Variants in HOMER1 observed in about 807,000 individuals in gnomAD.
HOMER1 encodes homer protein homolog 1.
Under a neutral mutation model 48.9 loss-of-function variants are expected in HOMER1, and 3 were observed. That is an observed-to-expected ratio of 0.06 (90% CI 0.03 to 0.16). The LOEUF is 0.16. Among genes scored for constraint, HOMER1 ranks in the 10% least tolerant of loss-of-function variants. The probability of loss-of-function intolerance (pLI) is 1.00; values close to 1 mark genes in which losing one functional copy is unlikely to be tolerated. For missense variants in HOMER1, 247 were observed against 411.4 expected (o/e 0.60, Z 3.46); for synonymous variants, 134 against 146.4 (o/e 0.92, Z 0.61).
In HOMER1 at chr5:79,438,827, AAATT is replaced by A. The variant is rs147280285; in HGVS notation, c.527+179_527+182del. Among the ~76,000 whole-genome samples, 1,205 of 152,056 alleles carry A rather than the reference AAATT, an allele frequency of 7.9e-3. 12 individuals are homozygous for A. Among genetic ancestry groups the A allele is most frequent in the African/African-American group, 0.028 (1,155 of 41,460 alleles). ...GTCCATCTATGCAACTATAAACTAT[AAATT>A]AATAAAAAGTTTGTGTATTTCATTT... is the stretch of plus-strand genomic sequence containing the variant. On this transcript the variant is annotated intron_variant, in intron 5 of 8. Coordinates refer to ENST00000334082, the MANE Select transcript of HOMER1 (RefSeq NM_004272.5).
rs867430270 is a variant in HOMER1, at chr5:79,467,411, A to C, written c.6-10393T>G. ...CATCTCAAAAAAAAAAAAAAAAAAA[A>C]AACTAATGAAATGCTATAAAGGCCA... is the stretch of plus-strand genomic sequence containing the variant. On this transcript the variant is annotated intron_variant, in intron 1 of 8. Coordinates refer to ENST00000334082, the MANE Select transcript of HOMER1 (RefSeq NM_004272.5). Among the ~76,000 whole-genome samples, 26 of 151,458 alleles carry C rather than the reference A, an allele frequency of 1.7e-4. 1 individual carries two copies. The highest frequency in any genetic ancestry group is 5.3e-4 in the Admixed American group (8 of 15,226).
intron 4 of HOMER1, among the ~76,000 whole-genome samples, chr5:79,440,120 T>C (rs1250298495): frequency 6.6e-6 from 1 of 152,124 alleles, no homozygotes; most frequent in Non-Finnish European, 1.5e-5. Context: ...TTAGGAATGA[T>C]CATAATTTGT....
intron 5 of HOMER1, among the ~76,000 whole-genome samples, chr5:79,432,671 G>A (rs1750457218): frequency 6.6e-6 from 1 of 152,094 alleles, no homozygotes; most frequent in Non-Finnish European, 1.5e-5. Flanking sequence ...ACATGAAAAT[G>A]TAAATGTATC....
intron 8 of HOMER1, among the ~76,000 whole-genome samples, chr5:79,378,836 C>T (rs1042939246): frequency 4.0e-5 from 6 of 151,660 alleles, no homozygotes; most frequent in Admixed American, 3.9e-4. Context: ...CACAAAATTC[C>T]CTCAGCTAAT....
intron 8 of HOMER1, among the ~76,000 whole-genome samples, chr5:79,378,286 T>C (rs1038432478): frequency 2.0e-5 from 3 of 149,950 alleles, no homozygotes; most frequent in Non-Finnish European, 4.4e-5. Context: ...CTCTGGGTTA[T>C]CTTTGTCAGT....
chr5:79,418,213 T>C (rs754907626), intron 5 of HOMER1, among the ~76,000 whole-genome samples: 1 of 152,232 alleles, frequency 6.6e-6, no homozygotes, highest in African/African-American at 2.4e-5. Context: ...AAAAGTATTA[T>C]GCAAATGAAT....
In HOMER1 at chr5:79,376,977, T is replaced by C. The variant is rs192672610; in HGVS notation, c.877-780A>G. ...CTTTTGTTTTTTTGTTGTTGTTTCT[T>C]TTCTTTGAGACACAGTCTCACTCTG... On this transcript the variant is annotated intron_variant, in intron 8 of 8. Coordinates refer to ENST00000334082, the MANE Select transcript of HOMER1 (RefSeq NM_004272.5). Among the ~76,000 whole-genome samples, 182 of 152,314 alleles carry C rather than the reference T, an allele frequency of 1.2e-3. 1 individual carries two copies. The highest frequency in any genetic ancestry group is 3.1e-3 in the Admixed American group (47 of 15,298).
chr5:79,442,537 T>C (rs1750763081), intron 4 of HOMER1, among the ~76,000 whole-genome samples: 1 of 152,228 alleles, frequency 6.6e-6, no homozygotes, highest in Non-Finnish European at 1.5e-5. Context: ...GCAGCAGCAC[T>C]GCCATGACCC....
chr5:79,465,623 C>T (rs1751442886), intron 1 of HOMER1, among the ~76,000 whole-genome samples: 1 of 104,100 alleles, frequency 9.6e-6, no homozygotes, highest in African/African-American at 4.6e-5. Context: ...GACAGAGTCT[C>T]GCTCTGTCGC....
rs187726886 is a variant in HOMER1 at position 79,412,819 on chromosome 5, G to A, written c.528-10764C>T. Among the ~76,000 whole-genome samples, 923 of 152,298 alleles carry A rather than the reference G, an allele frequency of 6.1e-3. 10 individuals are homozygous for A. Among genetic ancestry groups the A allele is most frequent in the Non-Finnish European group, 9.3e-3 (630 of 68,034 alleles). The stretch of plus-strand genomic sequence containing the variant: ...TGATAGTTCAATAAACGTCAGTGAC[G>A]AGATGACACAGATGTTGGAATTATC... On this transcript the variant is annotated intron_variant, in intron 5 of 8. Transcript: ENST00000334082.
intron 5 of HOMER1, among the ~76,000 whole-genome samples, chr5:79,432,776 G>A (rs1232228362): frequency 6.6e-6 from 1 of 152,078 alleles, no homozygotes; most frequent in African/African-American, 2.4e-5. Flanking sequence ...TCCAGAGAAT[G>A]CAGAACAATG....
chr5:79,402,070 A>G lies in HOMER1; in HGVS notation c.528-15T>C, dbSNP rs1168331652. The G allele has an allele frequency of 6.2e-7, 1 of 1,607,852 alleles. No homozygotes were observed. The highest frequency in any genetic ancestry group is 2.2e-5 in the East Asian group (1 of 44,810). On this transcript the variant is annotated splice_polypyrimidine_tract_variant and intron_variant, in intron 5 of 8. Transcript: ENST00000334082. The stretch of plus-strand genomic sequence containing the variant: ...TGATTGCTGAACTAAAATAAAACAA[A>G]AAGAAAATTCTATCCATTACACCAA...
At chr5:79,508,865 A>G (rs1299296362) in intron 1 of HOMER1, among the ~76,000 whole-genome samples, 5 of 152,222 alleles carry the variant, frequency 3.3e-5, no homozygotes, top group Admixed American at 3.3e-4. Flanking sequence ...TAAGGGAAGG[A>G]GCACATTGTA....
chr5:79,442,526 C>G (rs1013266584), intron 4 of HOMER1, among the ~76,000 whole-genome samples: 3 of 152,148 alleles, frequency 2.0e-5, no homozygotes, highest in African/African-American at 4.8e-5. Context: ...TGGGGAGGTA[C>G]GCAGCAGCAC....
At chr5:79,495,915 T>A (rs1174237056) in intron 1 of HOMER1, among the ~76,000 whole-genome samples, 1 of 152,204 alleles carries the variant, frequency 6.6e-6, no homozygotes, top group Non-Finnish European at 1.5e-5. Flanking sequence ...GCAAATTAAT[T>A]GTACTCATTT....
intron 1 of HOMER1, among the ~76,000 whole-genome samples, chr5:79,462,354 T>C (rs1203256299): frequency 6.6e-6 from 1 of 152,220 alleles, no homozygotes; most frequent in Non-Finnish European, 1.5e-5. Context: ...ATTTTTCTGT[T>C]GATTCATAAA....
chr5:79,485,188 G>GTAC (rs1366657501), intron 1 of HOMER1, among the ~76,000 whole-genome samples: 1 of 152,162 alleles, frequency 6.6e-6, no homozygotes, highest in Non-Finnish European at 1.5e-5. Flanking sequence ...TTCCCTGAGA[G>GTAC]TACTAAACAT....
chr5:79,383,289 G>A (rs1330954504), intron 8 of HOMER1, among the ~76,000 whole-genome samples: 3 of 151,902 alleles, frequency 2.0e-5, no homozygotes, highest in Non-Finnish European at 4.4e-5. Flanking sequence ...CCCACTCTCA[G>A]CATTAGACAG....
intron 1 of HOMER1, among the ~76,000 whole-genome samples, chr5:79,473,808 A>C (rs1244364446): frequency 2.6e-5 from 4 of 152,166 alleles, no homozygotes; most frequent in Non-Finnish European, 5.9e-5. Context: ...ACATCATGGC[A>C]ATAATTTTAA....
Sources: allele counts gnomAD v4.1 joint callset (sites outside exome capture counted in the v4.1 genomes callset), GRCh38; gene constraint gnomAD v4.1.1; transcripts MANE v1.5; gene names NCBI Gene and HGNC (gene_info 2026-07-23, HGNC 2026-07-21).